The following SNX8 variants were observed in gnomAD, a reference collection of about 807,000 sequenced individuals.
SNX8 encodes the protein sorting nexin-8.
A neutral mutation model predicts 51.6 loss-of-function variants in SNX8; 25 were observed. That is an observed-to-expected ratio of 0.48 (90% CI 0.35 to 0.68). The LOEUF (loss-of-function observed/expected upper bound fraction) is 0.68. Among genes scored for constraint, SNX8 ranks in the 30% least tolerant of loss-of-function variants. SNX8 has a pLI of 0.00. For missense variants in SNX8, 695 were observed against 624.0 expected (o/e 1.11, Z -1.21); for synonymous variants, 324 against 277.0 (o/e 1.17, Z -1.68).
chr7:2,310,884 T>C (rs532739977), intron 1 of SNX8, among the ~76,000 whole-genome samples: 4 of 152,288 alleles, frequency 2.6e-5, no homozygotes, highest in African/African-American at 9.6e-5. Context: ...AGTACATATA[T>C]GAATAAAATG....
chr7:2,293,932 C>T (rs1796214176), intron 1 of SNX8, among the ~76,000 whole-genome samples: 2 of 151,354 alleles, frequency 1.3e-5, no homozygotes, highest in African/African-American at 4.9e-5. Context: ...CACCAGTGCA[C>T]TCCAGCCTGG....
intron 7 of SNX8, among the ~76,000 whole-genome samples, chr7:2,259,375 C>A (rs73043228): frequency 2.0e-5 from 3 of 152,234 alleles, no homozygotes; most frequent in African/African-American, 7.2e-5. Context: ...TCGGGGAGAC[C>A]AAGCTCCCTC....
intron 1 of SNX8, among the ~76,000 whole-genome samples, chr7:2,295,680 C>T (rs1239342034): frequency 2.0e-5 from 3 of 151,296 alleles, no homozygotes; most frequent in Admixed American, 6.6e-5. Flanking sequence ...GGCCTATGTC[C>T]GGAAGAGTTC....
chr7:2,292,632 C>CA (rs1796176966), intron 1 of SNX8, among the ~76,000 whole-genome samples: 1 of 152,068 alleles, frequency 6.6e-6, no homozygotes. Context: ...AGGATGGTCT[C>CA]AATCTCCTGA....
intron 1 of SNX8, among the ~76,000 whole-genome samples, chr7:2,347,293 C>T (rs1241137130): frequency 2.0e-5 from 3 of 151,922 alleles, no homozygotes; most frequent in Non-Finnish European, 4.4e-5. Context: ...ACCAGCCTGG[C>T]TAACACGGCG....
intron 7 of SNX8, among the ~76,000 whole-genome samples, chr7:2,261,766 G>A (rs1795342290): frequency 6.6e-6 from 1 of 152,192 alleles, no homozygotes; most frequent in African/African-American, 2.4e-5. Flanking sequence ...GAAAACCCAA[G>A]ACTTTCCACA....
Position 2,304,501 on chromosome 7 carries a change from C to CCG in SNX8, c.94+9826_94+9827insCG, listed in dbSNP as rs879745374. Among the ~76,000 whole-genome samples, 369 of 151,048 alleles carry CCG rather than the reference C, an allele frequency of 2.4e-3. 2 individuals are homozygous for CCG. The highest frequency in any genetic ancestry group is 3.5e-3 in the Middle Eastern group (1 of 288). On this transcript the variant is annotated intron_variant, in intron 1 of 10. Coordinates refer to ENST00000222990, the MANE Select transcript of SNX8 (RefSeq NM_013321.4). ...GGAGCTTGCAGCGAGCGGAGATTGCCCCACTGTACTCCAGCCTGGGCGACA... is the reference window on the plus strand; with the variant it reads ...GGAGCTTGCAGCGAGCGGAGATTGCCCGCCACTGTACTCCAGCCTGGGCGACA...
intron 1 of SNX8, among the ~76,000 whole-genome samples, chr7:2,295,166 G>A (rs987557022): frequency 3.3e-5 from 5 of 152,194 alleles, no homozygotes; most frequent in African/African-American, 9.6e-5. Flanking sequence ...AACTTTGGGA[G>A]GCCAAGGCGG....
chr7:2,287,675 C>T (rs1796062416), intron 1 of SNX8, among the ~76,000 whole-genome samples: 1 of 152,054 alleles, frequency 6.6e-6, no homozygotes, highest in African/African-American at 2.4e-5. Context: ...CGCTTGAACC[C>T]AGAAGGTGGA....
intron 7 of SNX8, among the ~76,000 whole-genome samples, chr7:2,258,411 C>T (rs2115092138): frequency 6.6e-6 from 1 of 152,282 alleles, no homozygotes; most frequent in Middle Eastern, 3.4e-3. Context: ...CTTTCTCAGG[C>T]CTTCGCAAAG....
rs1426447397 is a variant in SNX8, at chr7:2,264,407, T to C, written c.673A>G (p.Ile225Val). The C allele has an allele frequency of 6.2e-7, 1 of 1,612,600 alleles. No individual in the cohort carries two copies. Among genetic ancestry groups the C allele is most frequent in the Admixed American group, 1.7e-5 (1 of 60,016 alleles). ...QAQFAISREL[I>V]RNIYNSFHKL... ...TGAAAGCTATTGTAGATGTTCCGGATCAGCTCCCGGCTGATGGCAAACTGA... is the reference window on the plus strand; with the variant it reads ...TGAAAGCTATTGTAGATGTTCCGGACCAGCTCCCGGCTGATGGCAAACTGA... The change falls in exon 6 of 11, where the codon ATC (isoleucine) becomes GTC (valine). Residue 225 changes from isoleucine (I) to valine (V), a missense_variant. By Grantham distance (29) the Ile-to-Val change is conservative. Transcript: ENST00000222990.
rs773194883 is a variant in SNX8, at chr7:2,264,412, T to C, written c.668A>G (p.Glu223Gly). 5 of 1,612,220 alleles carry C rather than the reference T, an allele frequency of 3.1e-6. No individual in the cohort carries two copies. Among genetic ancestry groups the C allele is most frequent in the Non-Finnish European group, 4.2e-6 (5 of 1,179,938 alleles). Reference protein sequence around the residue: ...DIQAQFAISRELIRNIYNSFH... With the variant: ...DIQAQFAISRGLIRNIYNSFH... The stretch of plus-strand genomic sequence containing the variant: ...GCTATTGTAGATGTTCCGGATCAGC[T>C]CCCGGCTGATGGCAAACTGAGCCTG... The change falls in exon 6 of 11, where the codon GAG becomes GGG. Residue 223 changes from glutamate (E) to glycine (G), a missense_variant. Physicochemically the swap from Glu to Gly is moderately conservative, Grantham distance 98. Coordinates refer to ENST00000222990, the MANE Select transcript of SNX8 (RefSeq NM_013321.4).
rs191281813 is a variant in SNX8 at position 2,304,338 on chromosome 7, A to T, written c.94+9990T>A. The stretch of plus-strand genomic sequence containing the variant: ...GGTGGGCAGATCACGAGGTCAGGAG[A>T]TAGAGACCATCCTGGCTAACAGGGT... On this transcript the variant is annotated intron_variant, in intron 1 of 10. Transcript: ENST00000222990. 5.8e-4 allele frequency among the ~76,000 whole-genome samples: 88 copies of T among 151,622 alleles called. 1 individual carries two copies. In the East Asian group the frequency reaches 7.6e-3, roughly 13 times the overall value.
chr7:2,257,405 T>A lies in SNX8; in HGVS notation c.1094A>T (p.Glu365Val). The change falls in exon 9 of 11, where the codon GAG (glutamate) becomes GTG (valine). Residue 365 changes from glutamate (E) to valine (V), a missense_variant. Glu to Val is a moderately radical substitution (Grantham distance 121, BLOSUM62 -2). Transcript: ENST00000222990. ...QMMSATAQNR[E>V]PESVEQLESR... ...CTCCAGCTGCTCCACGGACTCCGGC[T>A]CGCGGTTCTGCGCGGTGGCGCTCAT... 6.2e-7 allele frequency: 1 copy of A among 1,610,674 alleles called. No homozygotes were observed. Among genetic ancestry groups the A allele is most frequent in the Non-Finnish European group, 8.5e-7 (1 of 1,179,606 alleles).
Position 2,299,596 on chromosome 7 carries a change from C to G in SNX8, c.94+14732G>C, listed in dbSNP as rs577942204. ...GCAAATTGGGGGAATCTTGGAATAA[C>G]CTACCAAGTAGGAGTTTGGAGTTCC... is the stretch of plus-strand genomic sequence containing the variant. On this transcript the variant is annotated intron_variant, in intron 1 of 10. Transcript: ENST00000222990. 2.0e-5 allele frequency among the ~76,000 whole-genome samples: 3 copies of G among 152,296 alleles called. No individual in the cohort carries two copies. In the South Asian group the frequency reaches 6.2e-4, roughly 32 times the overall value.
intron 1 of SNX8, among the ~76,000 whole-genome samples, chr7:2,321,614 G>C (rs1778515052): frequency 6.7e-6 from 1 of 150,334 alleles, no homozygotes; most frequent in Non-Finnish European, 1.5e-5. Flanking sequence ...TTTTAGCAGA[G>C]ACAAGGTTTC....
In SNX8 at chr7:2,296,918, G is replaced by T. The variant is rs1273035989; in HGVS notation, c.94+17410C>A. On this transcript the variant is annotated intron_variant, in intron 1 of 10. Coordinates refer to ENST00000222990, the MANE Select transcript of SNX8 (RefSeq NM_013321.4). ...GCACTCCAGCCTGGGCAACAAGAGT[G>T]AGACTCTGTCTCAAAAAAGAAAAAA... 2.0e-5 allele frequency among the ~76,000 whole-genome samples: 3 copies of T among 151,720 alleles called. 1 individual carries two copies. Among genetic ancestry groups the T allele is most frequent in the African/African-American group, 7.3e-5 (3 of 41,138 alleles).
chr7:2,278,229 C>T lies in SNX8; in HGVS notation c.171G>A (p.Pro57=), dbSNP rs202134258. 4.8e-5 allele frequency: 78 copies of T among 1,611,998 alleles called. No homozygotes were observed. The Admixed American group carries it at 5.5e-4, about 11-fold the overall frequency. ...QVPAPSRMQM[P]QGNPLLLSHT... is the part of the protein sequence containing the mutation. Reference sequence around the variant, plus strand: ...GGGACAGCAGCAGCGGGTTCCCCTGCGGCATCTGCATTCGACTGGGGGCTG... The same window carrying T: ...GGGACAGCAGCAGCGGGTTCCCCTGTGGCATCTGCATTCGACTGGGGGCTG... The change falls in exon 2 of 11, where the codon CCG becomes CCA. Residue 57 remains proline (P), a synonymous_variant. Coordinates refer to ENST00000222990, the MANE Select transcript of SNX8 (RefSeq NM_013321.4).
At position 2,253,292 on chromosome 7, in the gene SNX8, A is replaced by G. The variant is rs188855839; in HGVS notation, c.*1764T>C. On this transcript the variant is annotated 3_prime_UTR_variant, in exon 11 of 11. Coordinates refer to ENST00000222990, the MANE Select transcript of SNX8 (RefSeq NM_013321.4). ...CCTACTCTGGAGACACAGAGGCCCC[A>G]GCACCTGATGCCCTCCACGACTCCC... The G allele has an allele frequency of 8.5e-3, 1,316 of 154,624 alleles. 17 individuals carry two copies. The highest frequency in any genetic ancestry group is 0.039 in the South Asian group (191 of 4,914). The allele number at this position is 154,624 out of a possible 1,614,324, so 9.6% of individuals were successfully genotyped here.
Sources: gnomAD v4.1 joint callset for allele counts (sites outside exome capture counted in the v4.1 genomes callset) on GRCh38, gnomAD v4.1.1 for gene constraint, MANE v1.5 for transcripts, NCBI Gene and HGNC (gene_info 2026-07-23, HGNC 2026-07-21) for gene names.